Variants in EPHA5 observed in about 807,000 individuals in gnomAD.
EPHA5 encodes ephrin type-A receptor 5.
A neutral mutation model predicts 105.0 loss-of-function variants in EPHA5; 60 were observed. That is an observed-to-expected ratio of 0.57 (90% confidence interval 0.46 to 0.71). The LOEUF is 0.71. Among genes scored for constraint, EPHA5 ranks in the 30% least tolerant of loss-of-function variants. The pLI is 0.00. For synonymous variants in EPHA5, 513 were observed against 449.1 expected (o/e 1.14, Z -1.80); for missense variants, 1,218 against 1,274.7 (o/e 0.96, Z 0.68).
chr4:65,573,943 G>A, intron 3 of EPHA5: 1 of 1,599,588 alleles, frequency 6.3e-7, no homozygotes, highest in Non-Finnish European at 8.6e-7. Context: ...AGGGGCAAGA[G>A]GGTGGTTTTC....
intron 4 of EPHA5, among the ~76,000 whole-genome samples, chr4:65,491,846 T>A (rs1052470072): frequency 2.0e-5 from 3 of 152,104 alleles, no homozygotes; most frequent in Admixed American, 1.3e-4. Flanking sequence ...GAACAAAAAT[T>A]AATTAGGTAA....
In EPHA5 at chr4:65,669,793, C is replaced by A. The variant is rs2149572870; in HGVS notation, c.-51G>T. ...CTGTCCCGAGCGGCTCAGTCCACCG[C>A]TTCGGCCTCGCAGAGCGGCGAAGGG... On this transcript the variant is annotated 5_prime_UTR_variant, in exon 1 of 17. Coordinates refer to ENST00000613740, the MANE Select transcript of EPHA5 (RefSeq NM_001281766.3). 8.1e-7 allele frequency: 1 copy of A among 1,236,040 alleles called. No homozygotes were observed. The highest frequency in any genetic ancestry group is 1.0e-6 in the Non-Finnish European group (1 of 990,004). 76.6% of individuals were successfully genotyped at this position (1,236,040 alleles called of 1,614,324 possible).
chr4:65,484,920 T>C (rs555847789), intron 5 of EPHA5, among the ~76,000 whole-genome samples: 1 of 152,070 alleles, frequency 6.6e-6, no homozygotes, highest in Non-Finnish European at 1.5e-5. Context: ...ATACATTTCA[T>C]AAGTCCTAAA....
chr4:65,414,479 G>A (rs200388884), intron 6 of EPHA5, 36 bp from the exon 7 acceptor site: 2 of 1,598,562 alleles, frequency 1.3e-6, no homozygotes, highest in Non-Finnish European at 1.7e-6. Flanking sequence ...AAAAAAGACA[G>A]CATATAAATT....
At chr4:65,507,663 C>A (rs937548850) in intron 3 of EPHA5, among the ~76,000 whole-genome samples, 2 of 152,038 alleles carry the variant, frequency 1.3e-5, no homozygotes, top group Admixed American at 1.3e-4. Context: ...ATTTTCCTCC[C>A]TATTTGTCTG....
At chr4:65,569,683 C>A (rs904254268) in intron 3 of EPHA5, among the ~76,000 whole-genome samples, 1 of 151,530 alleles carries the variant, frequency 6.6e-6, no homozygotes, top group Middle Eastern at 3.4e-3. Context: ...AATGAATGAC[C>A]ATTAATTATT....
intron 3 of EPHA5, among the ~76,000 whole-genome samples, chr4:65,583,704 T>A (rs1241590743): frequency 1.3e-5 from 2 of 151,734 alleles, no homozygotes; most frequent in South Asian, 4.1e-4. Flanking sequence ...TCCCTATGGC[T>A]TGTGGTTATC....
chr4:65,445,005 G>C (rs1410115583), intron 5 of EPHA5, among the ~76,000 whole-genome samples: 3 of 151,976 alleles, frequency 2.0e-5, no homozygotes, highest in East Asian at 1.9e-4. Flanking sequence ...TTGGAGTTTA[G>C]AAGAGTTGAA....
At chr4:65,556,568 G>A (rs1738463952) in intron 3 of EPHA5, among the ~76,000 whole-genome samples, 1 of 152,096 alleles carries the variant, frequency 6.6e-6, no homozygotes, top group African/African-American at 2.4e-5. Context: ...TTTCTCCAAT[G>A]GGATCAGGTT....
chr4:65,439,900 T>C (rs1308920829), intron 5 of EPHA5, among the ~76,000 whole-genome samples: 1 of 152,140 alleles, frequency 6.6e-6, no homozygotes, highest in East Asian at 1.9e-4. Context: ...AAAAAATTTG[T>C]TTGCATTATG....
Position 65,324,191 on chromosome 4 carries a change from CAA to C in EPHA5, c.2972_2973del (p.Leu991ArgfsTer36), listed in dbSNP as rs1560410057. ...LEDLRRLGVTLVGHQKKIMNS... is the reference protein window; with the variant it reads ...LEDLRRLGVTXVGHQKKIMNS... ...TTCATGATCTTCTTCTGGTGACCGA[CAA>C]GAGTCACTCCAAGCCGTCTCAAATC... On this transcript the variant is annotated frameshift_variant, in exon 17 of 17. Transcript: ENST00000613740. LOFTEE classifies it high-confidence loss of function. The C allele has an allele frequency of 6.2e-7, 1 of 1,609,452 alleles. No homozygotes were observed. Among genetic ancestry groups the C allele is most frequent in the Non-Finnish European group, 8.5e-7 (1 of 1,176,964 alleles).
chr4:65,468,243 C>T (rs565242119), intron 5 of EPHA5, among the ~76,000 whole-genome samples: 1 of 151,774 alleles, frequency 6.6e-6, no homozygotes, highest in Non-Finnish European at 1.5e-5. Flanking sequence ...TATATAGACA[C>T]ATGAGCAAAA....
chr4:65,402,383 A>C (rs1316079609), intron 8 of EPHA5, among the ~76,000 whole-genome samples: 3 of 152,156 alleles, frequency 2.0e-5, no homozygotes, highest in Non-Finnish European at 4.4e-5. Context: ...TCGGTTACCA[A>C]ATAGTAAGTA....
At chr4:65,373,423 T>C (rs1718686130) in intron 8 of EPHA5, among the ~76,000 whole-genome samples, 1 of 151,962 alleles carries the variant, frequency 6.6e-6, no homozygotes. Flanking sequence ...CCCCGGCAGA[T>C]ATCTTATAAA....
At chr4:65,395,128 C>G (rs778273553) in intron 8 of EPHA5, among the ~76,000 whole-genome samples, 5 of 152,154 alleles carry the variant, frequency 3.3e-5, no homozygotes, top group Non-Finnish European at 5.9e-5. Context: ...AACATAAGAA[C>G]TGTGCCAGGC....
At chr4:65,454,142 T>C (rs1011776645) in intron 5 of EPHA5, among the ~76,000 whole-genome samples, 8 of 152,000 alleles carry the variant, frequency 5.3e-5, no homozygotes, top group Non-Finnish European at 1.0e-4. Context: ...TAGCCGGGCA[T>C]GGTGGCGCAT....
chr4:65,576,950 C>T (rs975874160), intron 3 of EPHA5, among the ~76,000 whole-genome samples: 3 of 152,108 alleles, frequency 2.0e-5, no homozygotes, highest in African/African-American at 4.8e-5. Flanking sequence ...GACATTTTCT[C>T]TCCACATAGA....
At chr4:65,612,458 T>C (rs1449171051) in intron 2 of EPHA5, among the ~76,000 whole-genome samples, 2 of 152,216 alleles carry the variant, frequency 1.3e-5, no homozygotes, top group African/African-American at 4.8e-5. Flanking sequence ...TCACTTATGA[T>C]AATGGCCTCT....
At chr4:65,414,885 C>A (rs1479605900) in intron 6 of EPHA5, among the ~76,000 whole-genome samples, 2 of 152,262 alleles carry the variant, frequency 1.3e-5, no homozygotes, top group South Asian at 2.1e-4. Context: ...TGCTTTAACT[C>A]ATTAGTGAAT....
Sources: gnomAD v4.1 joint callset for allele counts (sites outside exome capture counted in the v4.1 genomes callset) on GRCh38, gnomAD v4.1.1 for gene constraint, MANE v1.5 for transcripts, NCBI Gene and HGNC (gene_info 2026-07-23, HGNC 2026-07-21) for gene names.